ATP2A2: variants seen among roughly 807,000 people sequenced by gnomAD.
ATP2A2 encodes the protein ATPase sarcoplasmic/endoplasmic reticulum Ca2+ transporting 2.
A neutral mutation model predicts 109.3 loss-of-function variants in ATP2A2; 14 were observed. The observed-to-expected ratio is 0.13, with a 90% CI of 0.08 to 0.20. The LOEUF (loss-of-function observed/expected upper bound fraction) is 0.20. ATP2A2 is among the 10% of genes least tolerant of loss of function. The probability of loss-of-function intolerance (pLI) is 1.00; values close to 1 mark genes in which losing one functional copy is unlikely to be tolerated. For synonymous variants in ATP2A2, 506 were observed against 490.9 expected, an observed-to-expected ratio of 1.03 and a Z score of -0.41; for missense variants, 657 against 1,321.6, an observed-to-expected ratio of 0.50 and a Z score of 7.80.
chr12:110,345,499 A>G, intron 18 of ATP2A2, 117 bp downstream of exon 18: 2 of 1,482,018 alleles, frequency 1.3e-6, no homozygotes, highest in Non-Finnish European at 1.9e-6. Context: ...TCCCAAAAGA[A>G]AGGAGAACAG....
intron 6 of ATP2A2, 198 bp from the exon 7 acceptor site, chr12:110,326,192 T>C (rs1877784631): frequency 1.7e-6 from 1 of 597,718 alleles, no homozygotes; most frequent in Non-Finnish European, 3.0e-6. Flanking sequence ...ATTTTTATCC[T>C]GACACCCTTT....
intron 4 of ATP2A2, 156 bp from the exon 5 acceptor site, chr12:110,296,443 G>A (rs1325942748): frequency 2.1e-6 from 2 of 940,164 alleles, no homozygotes; most frequent in Non-Finnish European, 3.4e-6. Flanking sequence ...AAATGTCCTT[G>A]TGTCTGTTGC....
chr12:110,349,572 C>CA lies in ATP2A2; in HGVS notation c.*3103dup, dbSNP rs1880207650. On this transcript the variant is annotated 3_prime_UTR_variant, in exon 20 of 20. Coordinates refer to ENST00000539276, the MANE Select transcript of ATP2A2 (RefSeq NM_170665.4). ...AGCAGGGCATCTGGCCGACTTCCCTCACAACAGCTGCTCCCACATCCCCTC... is the reference window on the plus strand; with the variant it reads ...AGCAGGGCATCTGGCCGACTTCCCTCAACAACAGCTGCTCCCACATCCCCTC... 1.0e-6 allele frequency: 1 copy of CA among 986,464 alleles called. No homozygotes were observed. Among genetic ancestry groups the CA allele is most frequent in the African/African-American group, 1.7e-5 (1 of 57,260 alleles). 61.1% of individuals were successfully genotyped at this position (986,464 alleles called of 1,614,324 possible).
chr12:110,321,995 CTT>C (rs555616619), intron 5 of ATP2A2, among the ~76,000 whole-genome samples: 1 of 147,248 alleles, frequency 6.8e-6, no homozygotes. Flanking sequence ...ATTGATATTT[CTT>C]TTTTTTTTTA....
chr12:110,347,040 C>T lies in ATP2A2; in HGVS notation c.*570C>T. 2.3e-6 allele frequency: 2 copies of T among 877,482 alleles called. No homozygotes were observed. The highest frequency in any genetic ancestry group is 3.5e-5 in the South Asian group (1 of 28,326). 54.4% of individuals were successfully genotyped at this position (877,482 alleles called of 1,614,324 possible). A position where few individuals can be genotyped will look rare whatever the true frequency, so the allele number is the denominator to read the frequency against. On this transcript the variant is annotated 3_prime_UTR_variant, in exon 20 of 20. Transcript: ENST00000539276. ...GTTCACCCCACCCCACCCCACCTCT[C>T]CCCACCTTACCCCCGCCCCGCTTGG... is the stretch of plus-strand genomic sequence containing the variant.
intron 4 of ATP2A2, among the ~76,000 whole-genome samples, chr12:110,294,757 TATA>T (rs1270101458): frequency 1.3e-5 from 2 of 152,162 alleles, no homozygotes; most frequent in African/African-American, 2.4e-5. Context: ...TAAGGAAAAT[TATA>T]ATGACAGTAT....
chr12:110,305,921 G>C (rs527360076), intron 5 of ATP2A2, among the ~76,000 whole-genome samples: 1 of 151,442 alleles, frequency 6.6e-6, no homozygotes, highest in Non-Finnish European at 1.5e-5. Context: ...TTCAACACTG[G>C]TTGTCAGTGT....
chr12:110,350,445 T>G lies in ATP2A2; in HGVS notation c.*3975T>G. 1 of 1,370,114 alleles carries G rather than the reference T, an allele frequency of 7.3e-7. No individual in the cohort carries two copies. The highest frequency in any genetic ancestry group is 1.8e-5 in the Admixed American group (1 of 55,630). 84.9% of individuals were successfully genotyped at this position (1,370,114 alleles called of 1,614,324 possible). Reference sequence around the variant, plus strand: ...AAAAAACTTCCCAACTCACTTTGTGTTATGTGGAGGAAATGTGTATTACCA... The same window carrying G: ...AAAAAACTTCCCAACTCACTTTGTGGTATGTGGAGGAAATGTGTATTACCA... On this transcript the variant is annotated 3_prime_UTR_variant, in exon 20 of 20. Transcript: ENST00000539276.
At chr12:110,300,886 C>G (rs1447518679) in intron 5 of ATP2A2, among the ~76,000 whole-genome samples, 3 of 152,112 alleles carry the variant, frequency 2.0e-5, no homozygotes, top group East Asian at 1.9e-4. Context: ...TGATGGTACT[C>G]TACTACCTAC....
At chr12:110,292,414 G>A (rs1490738117) in intron 4 of ATP2A2, among the ~76,000 whole-genome samples, 1 of 151,902 alleles carries the variant, frequency 6.6e-6, no homozygotes, top group African/African-American at 2.4e-5. Flanking sequence ...CTACAGGCAC[G>A]CACCACCACG....
At chr12:110,300,092 G>GTCCTTCCT (rs202000078) in intron 5 of ATP2A2, among the ~76,000 whole-genome samples, 2 of 143,428 alleles carry the variant, frequency 1.4e-5, no homozygotes, top group African/African-American at 2.7e-5. Context: ...CCGTCCGTCT[G>GTCCTTCCT]TCCTTCCTTC....
chr12:110,312,767 C>G (rs1316476488), intron 5 of ATP2A2, among the ~76,000 whole-genome samples: 1 of 150,006 alleles, frequency 6.7e-6, no homozygotes, highest in Non-Finnish European at 1.5e-5. Context: ...CGAGAATCGC[C>G]TAAACCCAGG....
intron 6 of ATP2A2, among the ~76,000 whole-genome samples, chr12:110,324,908 C>T (rs376785760): frequency 3.3e-5 from 5 of 151,502 alleles, no homozygotes; most frequent in Non-Finnish European, 5.9e-5. Flanking sequence ...CCTCTGCTTC[C>T]GGGGTTCAAG....
rs550363827 is a variant in ATP2A2, at chr12:110,348,699, G to A, written c.*2229G>A. 17 of 985,230 alleles carry A rather than the reference G, an allele frequency of 1.7e-5. No individual in the cohort carries two copies. The highest frequency in any genetic ancestry group is 2.0e-5 in the Non-Finnish European group (17 of 829,958). 61.0% of individuals were successfully genotyped at this position (985,230 alleles called of 1,614,324 possible). ...AGCCTGGGCAACAGAGTGAGGCCCTGTCAAAAAAAAATCAGCCTTACTGTG... is the reference window on the plus strand; with the variant it reads ...AGCCTGGGCAACAGAGTGAGGCCCTATCAAAAAAAAATCAGCCTTACTGTG... On this transcript the variant is annotated 3_prime_UTR_variant, in exon 20 of 20. Coordinates refer to ENST00000539276, the MANE Select transcript of ATP2A2 (RefSeq NM_170665.4).
At position 110,350,941 on chromosome 12, in the gene ATP2A2, G is replaced by A. The variant is rs533627210; in HGVS notation, c.*4471G>A. ...GTTGGTGCAATACAAATATTGTGAT[G>A]CATTTATCTTAATAAAATGCTAAAT... On this transcript the variant is annotated 3_prime_UTR_variant, in exon 20 of 20. Transcript: ENST00000539276. The A allele has an allele frequency of 6.5e-6, 1 of 153,330 alleles. No homozygotes were observed. The highest frequency in any genetic ancestry group is 1.9e-4 in the East Asian group (1 of 5,200). 9.5% of individuals were successfully genotyped at this position (153,330 alleles called of 1,614,324 possible). A position where few individuals can be genotyped will look rare whatever the true frequency, so the allele number is the denominator to read the frequency against.
chr12:110,345,551 G>T, intron 18 of ATP2A2, 169 bp downstream of exon 18: 1 of 1,041,828 alleles, frequency 9.6e-7, no homozygotes, highest in Non-Finnish European at 1.4e-6. Context: ...TCACCTCCAG[G>T]AAGTAGTGGG....
At chr12:110,290,174 C>G (rs145707307) in intron 3 of ATP2A2, among the ~76,000 whole-genome samples, 82 of 152,292 alleles carry the variant, frequency 5.4e-4, no homozygotes, top group African/African-American at 1.8e-3. Context: ...AGTAGTACCA[C>G]TGAAAAGAAA....
chr12:110,307,227 T>TTC (rs1875451992), intron 5 of ATP2A2, among the ~76,000 whole-genome samples: 1 of 148,292 alleles, frequency 6.7e-6, no homozygotes, highest in African/African-American at 2.5e-5. Context: ...ACCACCTTTT[T>TTC]TTTTTTTTTT....
rs760942057 is a variant in ATP2A2, at chr12:110,349,843, C to T, written c.*3373C>T. ...TGAGGAGAATGATGCGGAGGAGTTT[C>T]CTCTCCAGGGCTAGGCAAGGCAGGC... On this transcript the variant is annotated 3_prime_UTR_variant, in exon 20 of 20. Transcript: ENST00000539276. 228 of 1,042,240 alleles carry T rather than the reference C, an allele frequency of 2.2e-4. No homozygotes were observed. Among genetic ancestry groups the T allele is most frequent in the Non-Finnish European group, 2.6e-4 (225 of 864,232 alleles). The allele number at this position is 1,042,240 out of a possible 1,614,324, so 64.6% of individuals were successfully genotyped here.
Sources: allele counts gnomAD v4.1 joint callset (sites outside exome capture counted in the v4.1 genomes callset), GRCh38; gene constraint gnomAD v4.1.1; transcripts MANE v1.5; gene names NCBI Gene and HGNC (gene_info 2026-07-23, HGNC 2026-07-21).